Variants in KIF21A observed in about 807,000 individuals in gnomAD.
KIF21A encodes kinesin family member 21A.
In KIF21A, 114 loss-of-function variants were observed where a neutral mutation model predicts 202.9. The ratio of observed to expected loss-of-function variants is 0.56; its 90% CI spans 0.48 to 0.66. The LOEUF is 0.66. KIF21A is among the 30% of genes least tolerant of loss of function. The pLI, the probability that KIF21A is intolerant of heterozygous loss-of-function variation, is 0.00. For missense variants in KIF21A, 1,677 were observed against 1,994.9 expected, an observed-to-expected ratio of 0.84 and a Z score of 3.04; for synonymous variants, 667 against 670.8, an observed-to-expected ratio of 0.99 and a Z score of 0.09.
intron 1 of KIF21A, among the ~76,000 whole-genome samples, chr12:39,399,445 G>A (rs1319150021): frequency 6.6e-6 from 1 of 152,130 alleles, no homozygotes; most frequent in Non-Finnish European, 1.5e-5. Context: ...TCCCTAAATA[G>A]AGACAGAATG....
At chr12:39,382,853 C>T (rs894462243) in intron 1 of KIF21A, among the ~76,000 whole-genome samples, 1 of 152,208 alleles carries the variant, frequency 6.6e-6, no homozygotes, top group Non-Finnish European at 1.5e-5. Context: ...TTCTAATAAA[C>T]TTGCATACAT....
intron 6 of KIF21A, among the ~76,000 whole-genome samples, chr12:39,364,445 A>C (rs1949463490): frequency 6.6e-6 from 1 of 152,202 alleles, no homozygotes; most frequent in Non-Finnish European, 1.5e-5. Context: ...GAAACTCAAA[A>C]CAATGCAAGA....
intron 12 of KIF21A, among the ~76,000 whole-genome samples, chr12:39,346,122 C>T (rs1947869295): frequency 6.6e-6 from 1 of 151,888 alleles, no homozygotes. Context: ...CAAAGAATTA[C>T]TGTTGTTTTT....
chr12:39,376,003 G>A (rs1356252292), intron 1 of KIF21A, among the ~76,000 whole-genome samples: 1 of 152,048 alleles, frequency 6.6e-6, no homozygotes, highest in Non-Finnish European at 1.5e-5. Flanking sequence ...TTTCCCTCAT[G>A]AGGCACCCTA....
Position 39,293,607 on chromosome 12 carries a change from C to G in KIF21A, c.*817G>C, listed in dbSNP as rs1218714206. ...AAATTAGATAAAAGGGAAGGAAATA[C>G]TACTATTAAATAAAAACAAAATTAA... On this transcript the variant is annotated 3_prime_UTR_variant, in exon 38 of 38. Coordinates refer to ENST00000361418, the MANE Select transcript of KIF21A (RefSeq NM_001173464.2). 1 of 152,150 alleles carries G rather than the reference C, an allele frequency of 6.6e-6. No homozygotes were observed. The highest frequency in any genetic ancestry group is 1.5e-5 in the Non-Finnish European group (1 of 67,936). The allele number at this position is 152,150 out of a possible 1,614,324, so 9.4% of individuals were successfully genotyped here.
intron 34 of KIF21A, among the ~76,000 whole-genome samples, chr12:39,307,364 G>C (rs1353623435): frequency 6.6e-6 from 1 of 151,856 alleles, no homozygotes; most frequent in Non-Finnish European, 1.5e-5. Flanking sequence ...CCCAGCAACG[G>C]AGATTAAAAA....
At chr12:39,334,851 C>A (rs530927528) in intron 17 of KIF21A, among the ~76,000 whole-genome samples, 1 of 152,206 alleles carries the variant, frequency 6.6e-6, no homozygotes, top group South Asian at 2.1e-4. Flanking sequence ...GGAAAAGATT[C>A]AAAAAGTTCA....
In KIF21A at chr12:39,330,848, C is replaced by T. The variant is rs769757650; in HGVS notation, c.3217G>A (p.Glu1073Lys). 1 of 1,613,958 alleles carries T rather than the reference C, an allele frequency of 6.2e-7. No homozygotes were observed. The highest frequency in any genetic ancestry group is 8.5e-7 in the Non-Finnish European group (1 of 1,179,884). Residue 1073 changes from glutamate (E) to lysine (K), a missense_variant, in exon 23 of 38, where the codon GAA becomes AAA. Glu to Lys is a moderately conservative substitution (Grantham distance 56). Coordinates refer to ENST00000361418, the MANE Select transcript of KIF21A (RefSeq NM_001173464.2). The part of the protein sequence containing the change: ...KVLEGRLKQT[E>K]ITSATQNQLL... ...TGGTTTTGGGTAGCACTGGTTATTT[C>T]TGTTTGTTTGAGTCGACCTTCCAGT... is the stretch of plus-strand genomic sequence containing the variant.
chr12:39,311,051 T>C (rs1943977782), intron 32 of KIF21A, among the ~76,000 whole-genome samples: 1 of 152,052 alleles, frequency 6.6e-6, no homozygotes. Flanking sequence ...CCCTGATATG[T>C]AGTAAGTGTT....
Sources: allele counts gnomAD v4.1 joint callset (sites outside exome capture counted in the v4.1 genomes callset), GRCh38; gene constraint gnomAD v4.1.1; transcripts MANE v1.5; gene names NCBI Gene and HGNC (gene_info 2026-07-23, HGNC 2026-07-21).